The following ST7 variants were observed in gnomAD, a reference collection of about 807,000 sequenced individuals.
ST7 encodes suppression of tumorigenicity 7, also known as suppressor of tumorigenicity 7 protein.
Under a neutral mutation model 78.7 loss-of-function variants are expected in ST7, and 28 were observed. That is an observed-to-expected ratio of 0.36 (90% CI 0.26 to 0.49). The LOEUF is 0.49. ST7 is among the 20% of genes least tolerant of loss of function. The probability of loss-of-function intolerance (pLI) is 0.99; values close to 1 mark genes in which losing one functional copy is unlikely to be tolerated. For missense variants in ST7, 418 were observed against 696.0 expected (o/e 0.60, Z 4.49); for synonymous variants, 247 against 249.6 (o/e 0.99, Z 0.10).
chr7:117,114,404 C>CA (rs200224380), intron 2 of ST7, among the ~76,000 whole-genome samples: 2,287 of 131,378 alleles, frequency 0.017, 33 homozygotes, highest in African/African-American at 0.047. Context: ...TCCCTTTTGC[C>CA]AAAAAAAAAA....
intron 1 of ST7, among the ~76,000 whole-genome samples, chr7:116,979,139 G>A (rs997436073): frequency 1.3e-5 from 2 of 152,082 alleles, no homozygotes; most frequent in Admixed American, 6.6e-5. Context: ...TGGAGAAAAC[G>A]CTCTGTGCCT....
At chr7:116,968,277 CTCCCTCCCTCCCTCCCTCCTTCCT>C (rs1562983192) in intron 1 of ST7, 1 of 14,906 alleles carries the variant, frequency 6.7e-5, no homozygotes, top group Non-Finnish European at 1.9e-4. Context: ...CCCTCCCTCC[CTCCCTCCCTCCCTCCCTCCTTCCT>C]TCCTTCCTTC....
chr7:116,965,246 C>T (rs527535819), intron 1 of ST7, among the ~76,000 whole-genome samples: 10 of 150,178 alleles, frequency 6.7e-5, no homozygotes, highest in East Asian at 2.0e-4. Context: ...AGGCTGAGGC[C>T]GGAGAATGGC....
At chr7:117,071,069 A>C (rs1406038126) in intron 1 of ST7, among the ~76,000 whole-genome samples, 1 of 151,886 alleles carries the variant, frequency 6.6e-6, no homozygotes, top group Non-Finnish European at 1.5e-5. Context: ...AACACAAAAA[A>C]TTAGCCGGGC....
intron 1 of ST7, among the ~76,000 whole-genome samples, chr7:117,001,704 A>G (rs1213456263): frequency 6.6e-6 from 1 of 152,138 alleles, no homozygotes; most frequent in Non-Finnish European, 1.5e-5. Context: ...TTTTGTAATT[A>G]TGGGTGATAG....
intron 1 of ST7, among the ~76,000 whole-genome samples, chr7:117,042,238 G>C (rs951885700): frequency 1.7e-4 from 26 of 152,112 alleles, no homozygotes; most frequent in African/African-American, 6.3e-4. Context: ...ACAGCTTCTA[G>C]TAGTCTTTTG....
intron 13 of ST7, among the ~76,000 whole-genome samples, chr7:117,213,182 C>T (rs896001900): frequency 6.6e-6 from 1 of 152,216 alleles, no homozygotes; most frequent in Admixed American, 6.5e-5. Context: ...GCACTTCCAC[C>T]ATTGTACCAC....
At chr7:117,098,182 G>A (rs1343480271) in intron 1 of ST7, among the ~76,000 whole-genome samples, 1 of 151,476 alleles carries the variant, frequency 6.6e-6, no homozygotes, top group African/African-American at 2.4e-5. Flanking sequence ...TGCTTGGGTG[G>A]CACGAAAGAA....
chr7:117,183,960 C>T (rs1389246777), intron 10 of ST7, among the ~76,000 whole-genome samples: 1 of 152,210 alleles, frequency 6.6e-6, no homozygotes, highest in Non-Finnish European at 1.5e-5. Context: ...ATGGATGAAT[C>T]TCAAAAACAA....
At chr7:117,101,963 A>G (rs577088629) in intron 2 of ST7, among the ~76,000 whole-genome samples, 1 of 152,334 alleles carries the variant, frequency 6.6e-6, no homozygotes, top group African/African-American at 2.4e-5. Context: ...AATTTATACC[A>G]TGTCGCCTCT....
chr7:117,047,147 A>T (rs1797533582), intron 1 of ST7, among the ~76,000 whole-genome samples: 1 of 152,246 alleles, frequency 6.6e-6, no homozygotes, highest in East Asian at 1.9e-4. Context: ...GGTCATTAAA[A>T]ACTAGGGAAG....
In ST7 at chr7:117,228,357, T is replaced by C. The variant is rs191635627; in HGVS notation, c.1639-1405T>C. Among the ~76,000 whole-genome samples the C allele has an allele frequency of 2.5e-4, 38 of 152,352 alleles. No homozygotes were observed. The East Asian group carries it at 7.3e-3, about 29-fold the overall frequency. ...CTCCATCACTGGGCTTTGAGCTTCC[T>C]GACAGTGGGAGTTTAGTTTTGAACT... On this transcript the variant is annotated intron_variant, in intron 15 of 15. Coordinates refer to ENST00000323984, the MANE Select transcript of ST7 (RefSeq NM_001369598.1).
intron 1 of ST7, among the ~76,000 whole-genome samples, chr7:117,091,288 C>T (rs1277961866): frequency 1.6e-4 from 24 of 152,164 alleles, no homozygotes; most frequent in Admixed American, 1.6e-3. Flanking sequence ...GCAGAAGCAA[C>T]AAATGAGGAA....
rs1801198358 is a variant in ST7 at position 117,097,893 on chromosome 7, TATA to T, written c.152-1868_152-1866del. Among the ~76,000 whole-genome samples, 3 of 23,434 alleles carry T rather than the reference TATA, an allele frequency of 1.3e-4. No individual in the cohort carries two copies. In the South Asian group the frequency reaches 4.1e-3, roughly 32 times the overall value. 15.4% of individuals were successfully genotyped at this position (23,434 alleles called of 152,430 possible). On this transcript the variant is annotated intron_variant, in intron 1 of 15. Transcript: ENST00000323984. ...TATGACATATCACTATATATATATA[TATA>T]TATATATATATATTTTTTTTTTTTT...
chr7:117,134,318 A>G, intron 7 of ST7, 126 bp downstream of exon 7: 1 of 1,397,348 alleles, frequency 7.2e-7, no homozygotes, highest in Non-Finnish European at 9.8e-7. Context: ...TGTGACAAGG[A>G]TGCATCATCT....
At chr7:117,196,672 G>C (rs1017860904) in intron 12 of ST7, among the ~76,000 whole-genome samples, 1 of 30,712 alleles carries the variant, frequency 3.3e-5, no homozygotes, top group African/African-American at 1.1e-4. Flanking sequence ...TGTAGGAGTT[G>C]CTTATATGTT....
chr7:116,979,798 A>G (rs1793865260), intron 1 of ST7, among the ~76,000 whole-genome samples: 1 of 151,958 alleles, frequency 6.6e-6, no homozygotes, highest in South Asian at 2.1e-4. Flanking sequence ...ACCTAAACCT[A>G]ATATCCTAGG....
intron 9 of ST7, 108 bp from the exon 10 acceptor site, chr7:117,170,754 T>G: frequency 5.5e-6 from 2 of 362,896 alleles, no homozygotes; most frequent in Non-Finnish European, 9.4e-6. Flanking sequence ...TTTGTGTATA[T>G]ATATCCAAAC....
rs1418757138 is a variant in ST7, at chr7:117,014,891, A to T, written c.151+61200A>T. ...CAGAAGTGTGGGTGTGCTTCATGTC[A>T]CATGGCAGGAGGCTTCCCCAGAACG... On this transcript the variant is annotated intron_variant, in intron 1 of 15. Coordinates refer to ENST00000323984, the MANE Select transcript of ST7 (RefSeq NM_001369598.1). 4.5e-6 allele frequency: 4 copies of T among 886,904 alleles called. No homozygotes were observed. The Admixed American group carries it at 1.2e-4, about 27-fold the overall frequency. 54.9% of individuals were successfully genotyped at this position (886,904 alleles called of 1,614,324 possible).
Sources: allele counts gnomAD v4.1 joint callset (sites outside exome capture counted in the v4.1 genomes callset), GRCh38; gene constraint gnomAD v4.1.1; transcripts MANE v1.5; gene names NCBI Gene and HGNC (gene_info 2026-07-23, HGNC 2026-07-21).